The following BMAL2 variants were observed in gnomAD, a reference collection of about 807,000 sequenced individuals.
The protein encoded by BMAL2 is basic helix-loop-helix ARNT-like protein 2.
the BMAL2 span, among the ~76,000 whole-genome samples, chr12:27,350,829 A>T: frequency 2.0e-5 from 3 of 151,564 alleles, no homozygotes; most frequent in Admixed American, 2.0e-4. Context: ...ACAGGCGCCC[A>T]CCACCACGCC....
chr12:27,414,065 C>T, the BMAL2 span, among the ~76,000 whole-genome samples: 1 of 151,984 alleles, frequency 6.6e-6, no homozygotes, highest in South Asian at 2.1e-4. Context: ...AAAAAAACTC[C>T]CCTGCAAAAC....
At chr12:27,341,251 T>A in the BMAL2 span, among the ~76,000 whole-genome samples, 2 of 152,196 alleles carry the variant, frequency 1.3e-5, no homozygotes, top group African/African-American at 4.8e-5. Flanking sequence ...GGCTGTGGGT[T>A]TGTTGTAGAT....
the BMAL2 span, among the ~76,000 whole-genome samples, chr12:27,381,922 T>G: frequency 1.3e-5 from 2 of 152,170 alleles, no homozygotes; most frequent in Admixed American, 1.3e-4. Context: ...ACCAAGGGTC[T>G]TAGTTTAGAT....
chr12:27,377,872 A>C, the BMAL2 span, among the ~76,000 whole-genome samples: 3 of 152,172 alleles, frequency 2.0e-5, no homozygotes, highest in Non-Finnish European at 2.9e-5. Context: ...TTGTTCCAGG[A>C]GTGTCATTGC....
the BMAL2 span, chr12:27,333,282 C>A: frequency 1.7e-6 from 1 of 601,276 alleles, no homozygotes; most frequent in Non-Finnish European, 2.3e-6. Context: ...CCGTGGGGCA[C>A]AGGTGCGGCG....
chr12:27,421,471 G>A, the BMAL2 span: 1 of 151,968 alleles, frequency 6.6e-6, no homozygotes, highest in Non-Finnish European at 1.5e-5. Context: ...TGAGCGCAAA[G>A]GCCTCATGAC....
the BMAL2 span, among the ~76,000 whole-genome samples, chr12:27,405,180 T>G: frequency 2.6e-5 from 4 of 152,190 alleles, no homozygotes; most frequent in African/African-American, 9.6e-5. Flanking sequence ...GGGCAGGGCA[T>G]AGCCAAACAA....
the BMAL2 span, among the ~76,000 whole-genome samples, chr12:27,373,389 C>T: frequency 6.6e-6 from 1 of 152,108 alleles, no homozygotes; most frequent in Non-Finnish European, 1.5e-5. Context: ...TTTATAGAAC[C>T]TTCAAACAGG....
the BMAL2 span, among the ~76,000 whole-genome samples, chr12:27,342,470 T>C: frequency 6.6e-6 from 1 of 152,224 alleles, no homozygotes; most frequent in Non-Finnish European, 1.5e-5. Flanking sequence ...ATCTATACCA[T>C]CCATACAGTA....
chr12:27,339,628 C>CTTT, the BMAL2 span, among the ~76,000 whole-genome samples: 1 of 144,586 alleles, frequency 6.9e-6, no homozygotes. Flanking sequence ...ACTTTTTGAC[C>CTTT]TTTTTTTTTT....
the BMAL2 span, among the ~76,000 whole-genome samples, chr12:27,374,552 A>T: frequency 6.6e-6 from 1 of 152,226 alleles, no homozygotes; most frequent in Non-Finnish European, 1.5e-5. Context: ...GACTATTAGG[A>T]AGAAAATTAT....
chr12:27,403,598 C>G, the BMAL2 span: 5 of 1,114,598 alleles, frequency 4.5e-6, no homozygotes, highest in Non-Finnish European at 6.5e-6. Context: ...TTTATAAAAT[C>G]AATATACAAA....
At chr12:27,408,614 A>G in the BMAL2 span, among the ~76,000 whole-genome samples, 2 of 152,246 alleles carry the variant, frequency 1.3e-5, no homozygotes, top group African/African-American at 2.4e-5. Context: ...AGAGCTATCT[A>G]TGACAAACCC....
chr12:27,350,419 G>A, the BMAL2 span, among the ~76,000 whole-genome samples: 1 of 152,148 alleles, frequency 6.6e-6, no homozygotes, highest in Non-Finnish European at 1.5e-5. Context: ...ACAGGACAAG[G>A]GTCAGCCTGG....
chr12:27,392,373 C>T, the BMAL2 span, among the ~76,000 whole-genome samples: 318 of 152,258 alleles, frequency 2.1e-3, 1 homozygote, highest in Admixed American at 0.015. Flanking sequence ...AGTGCAGAGC[C>T]GATGGCAGGT....
At chr12:27,336,938 A>T in the BMAL2 span, among the ~76,000 whole-genome samples, 1 of 136,904 alleles carries the variant, frequency 7.3e-6, no homozygotes, top group African/African-American at 2.8e-5. Context: ...TGACAGAGCG[A>T]GACTGTCTCA....
the BMAL2 span, among the ~76,000 whole-genome samples, chr12:27,412,267 G>A: frequency 1.3e-3 from 204 of 152,284 alleles, no homozygotes; most frequent in Admixed American, 2.2e-3. Flanking sequence ...ATATAAGGAG[G>A]CACCTTAGGT....
chr12:27,383,059 G>A, the BMAL2 span, among the ~76,000 whole-genome samples: 1 of 152,216 alleles, frequency 6.6e-6, no homozygotes, highest in Non-Finnish European at 1.5e-5. Flanking sequence ...ATGAGGTCCT[G>A]TGTCTGCAAT....
the BMAL2 span, among the ~76,000 whole-genome samples, chr12:27,338,885 C>T: frequency 0.043 from 6,574 of 152,254 alleles, 158 homozygotes; most frequent in Non-Finnish European, 0.061. Flanking sequence ...AGGTCTTAGT[C>T]TTCACTCCAA....
Sources: gnomAD v4.1 joint callset for allele counts (sites outside exome capture counted in the v4.1 genomes callset) on GRCh38, gnomAD v4.1.1 for gene constraint, MANE v1.5 for transcripts, NCBI Gene and HGNC (gene_info 2026-07-23, HGNC 2026-07-21) for gene names.